Variants in PDE1C observed in about 807,000 individuals in gnomAD.
PDE1C encodes dual specificity calcium/calmodulin-dependent 3',5'-cyclic nucleotide phosphodiesterase 1C.
A neutral mutation model predicts 93.1 loss-of-function variants in PDE1C; 62 were observed. That is an observed-to-expected ratio of 0.67 (90% CI 0.54 to 0.82). The LOEUF (loss-of-function observed/expected upper bound fraction) is 0.82. Ranked by LOEUF, PDE1C falls within the 40% of genes least tolerant of loss-of-function variation. The pLI is 0.00. For synonymous variants in PDE1C, 325 were observed against 310.1 expected, an observed-to-expected ratio of 1.05 and a Z score of -0.50; for missense variants, 742 against 884.6, an observed-to-expected ratio of 0.84 and a Z score of 2.04.
intron 2 of PDE1C, among the ~76,000 whole-genome samples, chr7:32,174,209 AC>A (rs1270761744): frequency 6.6e-6 from 1 of 152,282 alleles, no homozygotes; most frequent in East Asian, 1.9e-4. Context: ...TGAAGGCCTT[AC>A]AAAAAAGTTC....
the PDE1C span, chr7:31,653,388 C>G: frequency 6.5e-6 from 1 of 153,052 alleles, no homozygotes; most frequent in Non-Finnish European, 1.4e-5. Flanking sequence ...CTCAGTGGAT[C>G]TGCACTTTTA....
chr7:32,025,296 C>A (rs1789267303), intron 2 of PDE1C, among the ~76,000 whole-genome samples: 2 of 152,078 alleles, frequency 1.3e-5, no homozygotes, highest in Admixed American at 1.3e-4. Context: ...AGAGGTCCAA[C>A]AGAGAGGTCA....
chr7:32,070,605 C>T (rs926990942), upstream of PDE1C: 10 of 1,419,518 alleles, frequency 7.0e-6, no homozygotes, highest in African/African-American at 1.4e-4. Flanking sequence ...CCGGAGGCAG[C>T]TGCGGGAACC....
intron 1 of PDE1C, among the ~76,000 whole-genome samples, chr7:32,255,246 C>G (rs1251424063): frequency 6.6e-6 from 1 of 152,132 alleles, no homozygotes; most frequent in Non-Finnish European, 1.5e-5. Flanking sequence ...CAAGATAAAC[C>G]GCCTGGATTT....
At chr7:31,765,610 G>A (rs1050914602) in intron 17 of PDE1C, among the ~76,000 whole-genome samples, 2 of 152,124 alleles carry the variant, frequency 1.3e-5, no homozygotes, top group African/African-American at 4.8e-5. Context: ...AGGTGATAGA[G>A]CTCCTGCATA....
At chr7:31,769,055 C>G (rs1795318298) in intron 17 of PDE1C, among the ~76,000 whole-genome samples, 1 of 152,158 alleles carries the variant, frequency 6.6e-6, no homozygotes, top group South Asian at 2.1e-4. Context: ...CTCAGCCTCC[C>G]AAAGTGCTGA....
At chr7:31,666,002 T>A in the PDE1C span, among the ~76,000 whole-genome samples, 1 of 152,184 alleles carries the variant, frequency 6.6e-6, no homozygotes, top group African/African-American at 2.4e-5. Flanking sequence ...GAAATCACTT[T>A]AGCTGGGTAC....
the PDE1C span, among the ~76,000 whole-genome samples, chr7:31,723,205 G>A: frequency 6.6e-6 from 1 of 152,104 alleles, no homozygotes; most frequent in African/African-American, 2.4e-5. Context: ...TTTTAAAATT[G>A]TATTCTGCCA....
intron 1 of PDE1C, among the ~76,000 whole-genome samples, chr7:32,281,776 A>C (rs534730328): frequency 9.8e-5 from 15 of 152,296 alleles, no homozygotes; most frequent in African/African-American, 3.6e-4. Context: ...ACCAACCCAA[A>C]TGTCCATCAA....
chr7:32,023,329 C>T (rs1339790062), intron 2 of PDE1C, among the ~76,000 whole-genome samples: 2 of 152,100 alleles, frequency 1.3e-5, no homozygotes, highest in Non-Finnish European at 2.9e-5. Context: ...CAACCTTAGC[C>T]ACTGTTACTA....
At chr7:32,345,683 G>A (rs1006679763) in intron 1 of PDE1C, among the ~76,000 whole-genome samples, 1 of 152,068 alleles carries the variant, frequency 6.6e-6, no homozygotes, top group South Asian at 2.1e-4. Context: ...AAATAATTGA[G>A]TAAAACATGT....
the PDE1C span, chr7:31,643,960 G>T: frequency 6.3e-7 from 1 of 1,594,848 alleles, no homozygotes. Context: ...TTCCGTAAGT[G>T]TTCACCCTGG....
chr7:32,174,823 C>T (rs558866411), intron 2 of PDE1C, among the ~76,000 whole-genome samples: 34 of 152,194 alleles, frequency 2.2e-4, no homozygotes, highest in Middle Eastern at 3.4e-3. Context: ...ATGGCAGGCT[C>T]GTAGGAAGAG....
At chr7:31,956,120 T>C (rs1389160299) in intron 2 of PDE1C, among the ~76,000 whole-genome samples, 1 of 152,042 alleles carries the variant, frequency 6.6e-6, no homozygotes, top group Non-Finnish European at 1.5e-5. Flanking sequence ...GCTTTTTTTT[T>C]TGAGACAGAG....
At chr7:32,257,004 T>C (rs1248605286) in intron 1 of PDE1C, among the ~76,000 whole-genome samples, 3 of 152,150 alleles carry the variant, frequency 2.0e-5, no homozygotes, top group African/African-American at 7.2e-5. Flanking sequence ...GTCCATCCAT[T>C]GCTCCCTGCA....
intron 1 of PDE1C, among the ~76,000 whole-genome samples, chr7:32,288,149 G>A (rs1194737518): frequency 2.0e-5 from 3 of 152,066 alleles, no homozygotes; most frequent in Non-Finnish European, 4.4e-5. Context: ...GTGAGACTCC[G>A]TCTTAAAAAA....
intron 1 of PDE1C, among the ~76,000 whole-genome samples, chr7:32,316,427 G>A (rs6955946): frequency 0.15 from 22,329 of 152,106 alleles, 1,905 homozygotes; most frequent in East Asian, 0.39. Context: ...CAGGACCAGT[G>A]AAAAACTCCT....
intron 2 of PDE1C, among the ~76,000 whole-genome samples, chr7:31,991,745 T>C (rs572908099): frequency 6.6e-6 from 1 of 152,326 alleles, no homozygotes; most frequent in South Asian, 2.1e-4. Context: ...CGTATGTGTG[T>C]GGTATGTATA....
At chr7:32,341,242 C>T (rs1375381809) in intron 1 of PDE1C, among the ~76,000 whole-genome samples, 1 of 114,188 alleles carries the variant, frequency 8.8e-6, no homozygotes, top group Non-Finnish European at 1.7e-5. Context: ...GTGGCGCGAT[C>T]TCGGCTCACT....
Sources: gnomAD v4.1 joint callset for allele counts (sites outside exome capture counted in the v4.1 genomes callset) on GRCh38, gnomAD v4.1.1 for gene constraint, MANE v1.5 for transcripts, NCBI Gene and HGNC (gene_info 2026-07-23, HGNC 2026-07-21) for gene names.